HIPK1: variants seen among roughly 807,000 people sequenced by gnomAD.
The protein encoded by HIPK1 is homeodomain-interacting protein kinase 1.
HIPK1 carries 28 observed loss-of-function variants against 117.1 expected under a neutral mutation model. The observed-to-expected ratio is 0.24, with a 90% confidence interval of 0.18 to 0.33. HIPK1 has a LOEUF of 0.33. HIPK1 is among the 10% of genes least tolerant of loss of function. HIPK1 has a pLI of 1.00. For missense variants in HIPK1, 1,122 were observed against 1,475.1 expected, an observed-to-expected ratio of 0.76 and a Z score of 3.92; for synonymous variants, 605 against 562.5, an observed-to-expected ratio of 1.08 and a Z score of -1.07.
chr1:113,966,252 A>G lies in HIPK1; in HGVS notation c.2361A>G (p.Gly787=). 3 of 1,613,560 alleles carry G rather than the reference A, an allele frequency of 1.9e-6. No homozygotes were observed. Among genetic ancestry groups the G allele is most frequent in the Non-Finnish European group, 1.7e-6 (2 of 1,179,722 alleles). The part of the protein sequence containing the change: ...TAMIPEAMGS[G]QQLADWRNAH... ...TGATTCCAGAGGCCATGGGGAGTGG[A>G]CAGCAGCTAGCTGACTGGAGGCAAG... Residue 787 remains glycine (G), a synonymous_variant, in exon 11 of 16, where the codon GGA becomes GGG. Coordinates refer to ENST00000426820, the MANE Select transcript of HIPK1 (RefSeq NM_198268.3).
chr1:113,929,644 C>A, intron 1 of HIPK1, 112 bp downstream of exon 1: 3 of 1,025,992 alleles, frequency 2.9e-6, no homozygotes, highest in Non-Finnish European at 3.9e-6. Flanking sequence ...ACGGCGGCTG[C>A]GGAGCAAGGG....
At chr1:113,969,078 T>C (rs908158642) in intron 13 of HIPK1, among the ~76,000 whole-genome samples, 6 of 152,122 alleles carry the variant, frequency 3.9e-5, no homozygotes, top group Non-Finnish European at 8.8e-5. Flanking sequence ...AGCATAGCCT[T>C]CGATGGGGCT....
At chr1:113,964,015 A>T (rs994432595) in intron 10 of HIPK1, among the ~76,000 whole-genome samples, 1 of 152,200 alleles carries the variant, frequency 6.6e-6, no homozygotes, top group African/African-American at 2.4e-5. Flanking sequence ...ACTTTTCTGC[A>T]TGTGGAAATG....
At chr1:113,944,280 C>G (rs970770787) in intron 2 of HIPK1, among the ~76,000 whole-genome samples, 5 of 145,428 alleles carry the variant, frequency 3.4e-5, no homozygotes, top group African/African-American at 1.3e-4. Context: ...TCTCCTGCCT[C>G]AGCCTCCCGA....
intron 2 of HIPK1, among the ~76,000 whole-genome samples, chr1:113,944,042 C>G (rs1319266015): frequency 6.6e-6 from 1 of 151,474 alleles, no homozygotes; most frequent in African/African-American, 2.4e-5. Flanking sequence ...GTTGCCCAAT[C>G]TGGTCTCAAA....
chr1:113,965,889 C>T (rs1191815160), intron 10 of HIPK1, among the ~76,000 whole-genome samples: 3 of 152,132 alleles, frequency 2.0e-5, no homozygotes, highest in African/African-American at 7.2e-5. Flanking sequence ...CAGGGATCTT[C>T]TTTTCTTTAA....
chr1:113,972,652 C>T (rs771906734), intron 15 of HIPK1, among the ~76,000 whole-genome samples: 4 of 151,946 alleles, frequency 2.6e-5, no homozygotes, highest in African/African-American at 9.7e-5. Context: ...ACTTAGAGGA[C>T]GAAAACAAAA....
rs528823328 is a variant in HIPK1, at chr1:113,941,916, C to T, written c.1076+457C>T. Among the ~76,000 whole-genome samples the T allele has an allele frequency of 6.8e-4, 104 of 152,062 alleles. No individual in the cohort carries two copies. The highest frequency in any genetic ancestry group is 1.0e-3 in the Non-Finnish European group (71 of 68,016). On this transcript the variant is annotated intron_variant, in intron 2 of 15. Transcript: ENST00000426820. This position sits in a 1 kb window ranked among gnomAD's most constrained non-coding sequence, Gnocchi z 4.9. ...CTGGGACCACAGGCACCCGCCATCA[C>T]GCCCGGCTAATTTTTTTTGTATTTT...
intron 11 of HIPK1, 65 bp downstream of exon 11, chr1:113,966,337 T>C: frequency 6.9e-7 from 1 of 1,456,512 alleles, no homozygotes; most frequent in African/African-American, 1.4e-5. Flanking sequence ...GAGCACTTGG[T>C]AATAAGGAGA....
rs926908186 is a variant in HIPK1, at chr1:113,940,679, C to A, written c.296C>A (p.Thr99Asn). The A allele has an allele frequency of 1.2e-6, 2 of 1,614,186 alleles. No homozygotes were observed. Among genetic ancestry groups the A allele is most frequent in the Middle Eastern group, 3.3e-4 (2 of 6,062 alleles). The change falls in exon 2 of 16, where the codon ACC becomes AAC. Residue 99 changes from threonine (T) to asparagine (N), a missense_variant. Around this residue, in one of 6 missense-constraint regions of HIPK1, gnomAD observed 192 missense variants for 234.0 expected, o/e 0.82. Coordinates refer to ENST00000426820, the MANE Select transcript of HIPK1 (RefSeq NM_198268.3). ...AGCTCGGGCAGTGCTGCTACATCAACCTTCCAAAGCAGCCAGACCCTGACT... is the reference window on the plus strand; with the variant it reads ...AGCTCGGGCAGTGCTGCTACATCAAACTTCCAAAGCAGCCAGACCCTGACT... ...ADSSGSAATS[T>N]FQSSQTLTHR...
In HIPK1 at chr1:113,929,524, TC is replaced by T; in HGVS notation, c.-9del. 7.8e-7 allele frequency: 1 copy of T among 1,288,784 alleles called. No homozygotes were observed. Among genetic ancestry groups the T allele is most frequent in the Non-Finnish European group, 1.0e-6 (1 of 988,522 alleles). The allele number at this position is 1,288,784 out of a possible 1,614,324, so 79.8% of individuals were successfully genotyped here. ...CCTAGAGAGTCCATTCAGCTGCACT[TC>T]CGCCTCAGTAGGTGTCATGGCGCGG... On this transcript the variant is annotated 5_prime_UTR_variant, in exon 1 of 16. Coordinates refer to ENST00000426820, the MANE Select transcript of HIPK1 (RefSeq NM_198268.3).
At chr1:113,971,430 C>T (rs1571734796) in intron 14 of HIPK1, among the ~76,000 whole-genome samples, 2 of 152,222 alleles carry the variant, frequency 1.3e-5, no homozygotes. Context: ...CCTCTTGCCA[C>T]TTTAATATCC....
chr1:113,942,812 T>G (rs1670739085), intron 2 of HIPK1, among the ~76,000 whole-genome samples: 1 of 152,216 alleles, frequency 6.6e-6, no homozygotes, highest in African/African-American at 2.4e-5. Flanking sequence ...GCCTAGTTAT[T>G]AATTTTAAGG....
At chr1:113,936,783 A>AC (rs1299289409) in intron 1 of HIPK1, among the ~76,000 whole-genome samples, 3 of 151,988 alleles carry the variant, frequency 2.0e-5, no homozygotes, top group Non-Finnish European at 4.4e-5. Context: ...TTACTTTATG[A>AC]CCCCCCTATT....
intron 1 of HIPK1, chr1:113,930,006 GC>G (rs1669745303): frequency 1.0e-6 from 1 of 985,312 alleles, no homozygotes; most frequent in Non-Finnish European, 1.2e-6. Context: ...CTGAGGCGGG[GC>G]CGGGCCGGCC....
chr1:113,938,066 A>G (rs1385925285), intron 1 of HIPK1, among the ~76,000 whole-genome samples: 2 of 151,184 alleles, frequency 1.3e-5, no homozygotes, highest in Admixed American at 6.6e-5. Flanking sequence ...CCAGACTCAG[A>G]TGATTTTCCT....
rs1241557320 is a variant in HIPK1 at position 113,929,401 on chromosome 1, G to A, written c.-134G>A. 3.1e-6 allele frequency: 4 copies of A among 1,289,294 alleles called. No individual in the cohort carries two copies. The Admixed American group carries it at 9.2e-5, about 30-fold the overall frequency. The allele number at this position is 1,289,294 out of a possible 1,614,324, so 79.9% of individuals were successfully genotyped here. ...AGAGTCTGCAGTGCGGAGGGGGCGGGAAGTCCAGGCCCCGCACTCGATCCA... is the reference window on the plus strand; with the variant it reads ...AGAGTCTGCAGTGCGGAGGGGGCGGAAAGTCCAGGCCCCGCACTCGATCCA... On this transcript the variant is annotated 5_prime_UTR_variant, in exon 1 of 16. Transcript: ENST00000426820.
chr1:113,962,660 A>T (rs1046525266), intron 9 of HIPK1, among the ~76,000 whole-genome samples: 2 of 152,184 alleles, frequency 1.3e-5, no homozygotes, highest in African/African-American at 4.8e-5. Context: ...ATATCCAGAC[A>T]TTCTTGAGAA....
At chr1:113,952,935 G>A in intron 3 of HIPK1, 46 bp downstream of exon 3, 2 of 1,416,214 alleles carry the variant, frequency 1.4e-6, no homozygotes, top group Non-Finnish European at 9.3e-7. Flanking sequence ...ATAGTTACTT[G>A]TGAATTAGAT....
Sources: allele counts gnomAD v4.1 joint callset (sites outside exome capture counted in the v4.1 genomes callset), GRCh38; gene constraint gnomAD v4.1.1; regional missense constraint gnomAD v4.1.1; non-coding constraint Gnocchi (gnomAD v3.1); transcripts MANE v1.5; gene names NCBI Gene and HGNC (gene_info 2026-07-23, HGNC 2026-07-21).